NOTCH3: variants seen among roughly 807,000 people sequenced by gnomAD.
NOTCH3 encodes the protein neurogenic locus notch homolog protein 3.
Under a neutral mutation model 213.3 loss-of-function variants are expected in NOTCH3, and 86 were observed. The observed-to-expected ratio is 0.40, with a 90% CI of 0.34 to 0.48. The LOEUF (loss-of-function observed/expected upper bound fraction) is 0.48, where lower values mean the gene tolerates loss of function less well. Ranked by LOEUF, NOTCH3 falls within the 20% of genes least tolerant of loss-of-function variation. NOTCH3 has a pLI of 0.57. For synonymous variants in NOTCH3, 1,354 were observed against 1,355.9 expected (o/e 1.00, Z 0.03); for missense variants, 2,783 against 3,272.6 (o/e 0.85, Z 3.65).
rs556913464 is a variant in NOTCH3, at chr19:15,161,812, A to T, written c.5914-98T>A. 1.1e-4 allele frequency: 116 copies of T among 1,058,998 alleles called. 1 individual carries two copies. In the East Asian group the frequency reaches 2.7e-3, roughly 25 times the overall value. The allele number at this position is 1,058,998 out of a possible 1,614,324, so 65.6% of individuals were successfully genotyped here. The stretch of plus-strand genomic sequence containing the variant: ...GAGCCCGAGAGCTATGAGTTTGTAC[A>T]CTGGAGCTTGACAGACCTGGGTTAA... On this transcript the variant is annotated intron_variant, in intron 32 of 32. Transcript: ENST00000263388.
chr19:15,185,648 A>T lies in NOTCH3; in HGVS notation c.1983T>A (p.Cys661Ter). Residue 661 changes from cysteine (C) to a stop codon, truncating the protein, a stop_gained, in exon 13 of 33, where the codon TGT becomes TGA. Transcript: ENST00000263388. LOFTEE classifies it high-confidence loss of function. The surrounding 1 kb of genome is among the most constrained non-coding windows in gnomAD (Gnocchi z 4.2). ...GPLCNVEINE[C>*]ASSPCGEGGS... The stretch of plus-strand genomic sequence containing the variant: ...CTCCCTCGCCGCATGGGCTGGAAGC[A>T]CACTCATTGATCTCCACGTTACAAA... 1 of 1,613,596 alleles carries T rather than the reference A, an allele frequency of 6.2e-7. No individual in the cohort carries two copies.
Position 15,180,864 on chromosome 19 carries a change from TGGG to T in NOTCH3, c.2995-39_2995-37del, listed in dbSNP as rs747200234. The T allele has an allele frequency of 2.5e-6, 4 of 1,609,632 alleles. No individual in the cohort carries two copies. In the East Asian group the frequency reaches 8.9e-5, roughly 36 times the overall value. ...AGCACTCAGAGTCAGTACTGTGGGG[TGGG>T]GGGTAGTCTGGGAGAAACTGTGCCC... is the stretch of plus-strand genomic sequence containing the variant. On this transcript the variant is annotated intron_variant, in intron 18 of 32. Transcript: ENST00000263388.
At chr19:15,189,996 C>T (rs1251605818) in intron 6 of NOTCH3, among the ~76,000 whole-genome samples, 2 of 152,018 alleles carry the variant, frequency 1.3e-5, no homozygotes, top group African/African-American at 4.8e-5. Context: ...AATTGCAGAC[C>T]GGGCACAGTG....
At chr19:15,200,292 A>C (rs1259976922) in intron 1 of NOTCH3, among the ~76,000 whole-genome samples, 11 of 147,854 alleles carry the variant, frequency 7.4e-5, no homozygotes, top group Non-Finnish European at 1.5e-4. Flanking sequence ...CGGCCTGGGA[A>C]GTTTTCTCCG....
At chr19:15,194,969 A>G (rs1286215464) in intron 2 of NOTCH3, among the ~76,000 whole-genome samples, 2 of 151,784 alleles carry the variant, frequency 1.3e-5, no homozygotes, top group Admixed American at 6.6e-5. Context: ...AAAAAAAAAA[A>G]AAAAAGGAAA....
chr19:15,192,333 A>T, intron 3 of NOTCH3, 35 bp from the exon 4 acceptor site: 1 of 1,612,354 alleles, frequency 6.2e-7, no homozygotes, highest in Non-Finnish European at 8.5e-7. Flanking sequence ...TTTAGGACTG[A>T]CCACACCCCC....
chr19:15,162,816 T>C (rs943663406), intron 31 of NOTCH3, among the ~76,000 whole-genome samples: 11 of 151,554 alleles, frequency 7.3e-5, no homozygotes, highest in Admixed American at 2.0e-4. Flanking sequence ...TGACTGTTTA[T>C]ACACAGGGGG....
chr19:15,195,315 C>T (rs901633689), intron 2 of NOTCH3, among the ~76,000 whole-genome samples: 1 of 152,044 alleles, frequency 6.6e-6, no homozygotes, highest in African/African-American at 2.4e-5. Context: ...CCTCCCCAAG[C>T]CCACCAAGGA....
In NOTCH3 at chr19:15,160,895, G is replaced by A. The variant is rs764195090; in HGVS notation, c.6733C>T (p.Leu2245=). 1 of 1,612,320 alleles carries A rather than the reference G, an allele frequency of 6.2e-7. No individual in the cohort carries two copies. Among genetic ancestry groups the A allele is most frequent in the Non-Finnish European group, 8.5e-7 (1 of 1,178,904 alleles). The change falls in exon 33 of 33, where the codon CTG becomes TTG. Residue 2245 remains leucine, a synonymous_variant. Coordinates refer to ENST00000263388, the MANE Select transcript of NOTCH3 (RefSeq NM_000435.3). ...TCAGGGGATTCGGGGGATGGGGTCA[G>A]GTAAGGGTGCTCACTGGGAACCCGC... ...FLRVPSEHPY[L]TPSPESPEHW...
chr19:15,200,741 T>TC (rs2047005927), intron 1 of NOTCH3, 47 bp downstream of exon 1: 9 of 1,216,668 alleles, frequency 7.4e-6, no homozygotes, highest in Non-Finnish European at 9.3e-6. Flanking sequence ...GTTCTTGCAC[T>TC]CCCCCTCTGC....
rs756050255 is a variant in NOTCH3, at chr19:15,177,537, T to C, written c.4391A>G (p.Glu1464Gly). The C allele has an allele frequency of 2.5e-6, 4 of 1,610,028 alleles. No individual in the cohort carries two copies. Among genetic ancestry groups the C allele is most frequent in the Non-Finnish European group, 2.5e-6 (3 of 1,178,740 alleles). ...DNFDCHAGGR[E>G]RTCNPVYEKY... ...TGGATGGGCTCACTTGCAAGTGCGC[T>C]CGCGGCCACCGGCGTGGCAGTCGAA... Residue 1464 changes from glutamate (E) to glycine (G), a missense_variant, in exon 24 of 33, where the codon GAG becomes GGG. This residue lies in a region of NOTCH3 where 636 missense variants were observed against 801.8 expected (regional missense o/e 0.79). Transcript: ENST00000263388.
chr19:15,170,202 G>A, intron 27 of NOTCH3, 32 bp from the exon 28 acceptor site: 2 of 1,544,522 alleles, frequency 1.3e-6, no homozygotes, highest in Non-Finnish European at 1.8e-6. Flanking sequence ...GGATGTGAGG[G>A]GGACACTAGA....
In NOTCH3 at chr19:15,177,720, C is replaced by G; in HGVS notation, c.4208G>C (p.Arg1403Pro). The G allele has an allele frequency of 6.5e-7, 1 of 1,531,006 alleles. No homozygotes were observed. The highest frequency in any genetic ancestry group is 8.7e-7 in the Non-Finnish European group (1 of 1,145,278). The allele number at this position is 1,531,006 out of a possible 1,614,324, so 94.8% of individuals were successfully genotyped here. Reference protein sequence around the residue: ...QAKRGDQRCDRECNSPGCGWD... With the variant: ...QAKRGDQRCDPECNSPGCGWD... ...GCCGCAGCCTGGGCTGTTGCACTCGCGGTCGCAGCGCTGGTCCCCGCGCTT... is the reference window on the plus strand; with the variant it reads ...GCCGCAGCCTGGGCTGTTGCACTCGGGGTCGCAGCGCTGGTCCCCGCGCTT... The change falls in exon 24 of 33, where the codon CGC (arginine) becomes CCC (proline). Residue 1403 changes from arginine to proline, a missense_variant. Arg to Pro is a moderately radical substitution (Grantham distance 103). Around this residue, in one of 6 missense-constraint regions of NOTCH3, gnomAD observed 133 missense variants for 201.9 expected, o/e 0.66. Coordinates refer to ENST00000263388, the MANE Select transcript of NOTCH3 (RefSeq NM_000435.3).
intron 24 of NOTCH3, among the ~76,000 whole-genome samples, 161 bp from the exon 25 acceptor site, chr19:15,174,561 T>C (rs2046771453): frequency 8.2e-6 from 1 of 121,780 alleles, no homozygotes; most frequent in South Asian, 2.8e-4. Context: ...ATCTTGCCAT[T>C]CACTGGATAA....
At chr19:15,173,365 A>T (rs1305168499) in intron 25 of NOTCH3, among the ~76,000 whole-genome samples, 12 of 147,368 alleles carry the variant, frequency 8.1e-5, no homozygotes, top group African/African-American at 3.0e-4. Flanking sequence ...GAGCTTGCAG[A>T]AAGCCGAGAT....
chr19:15,179,175 G>A lies in NOTCH3; in HGVS notation c.3568C>T (p.Arg1190Cys), dbSNP rs377099118. ...GTGTATCCTGGGGGACAGGTGCAGC[G>A]GAAACCACCCACCAGGTCCACGCAG... ...GTCVDLVGGF[R>C]CTCPPGYTGL... Residue 1190 changes from arginine (R) to cysteine (C), a missense_variant, in exon 22 of 33, where the codon CGC becomes TGC. By Grantham distance (180) the Arg-to-Cys change is radical. This residue lies in a region of NOTCH3 where 861 missense variants were observed against 909.1 expected (regional missense o/e 0.95). Transcript: ENST00000263388. The A allele has an allele frequency of 3.2e-5, 51 of 1,613,988 alleles. 1 individual carries two copies. The highest frequency in any genetic ancestry group is 1.1e-4 in the South Asian group (10 of 91,090).
At chr19:15,188,451 G>C in intron 8 of NOTCH3, 103 bp from the exon 9 acceptor site, 1 of 783,824 alleles carries the variant, frequency 1.3e-6, no homozygotes, top group Non-Finnish European at 2.2e-6. Context: ...CAAATCCCCC[G>C]AGCCTTCGTC....
chr19:15,179,395 G>A lies in NOTCH3; in HGVS notation c.3429C>T (p.Arg1143=), dbSNP rs1456987143. ...HGGSCIDLVA[R]YLCSCPPGTL... ...TTCCTGGGGGACAGGAGCAGAGATA[G>A]CGGGCCACGAGGTCAATGCATGAAC... Residue 1143 remains arginine (R), a synonymous_variant, in exon 21 of 33, where the codon CGC becomes CGT. Transcript: ENST00000263388. 8 of 1,614,020 alleles carry A rather than the reference G, an allele frequency of 5.0e-6. No homozygotes were observed. The Admixed American group carries it at 1.3e-4, about 27-fold the overall frequency.
At chr19:15,175,124 A>G (rs1049819906) in intron 24 of NOTCH3, among the ~76,000 whole-genome samples, 1 of 152,204 alleles carries the variant, frequency 6.6e-6, no homozygotes, top group Admixed American at 6.5e-5. Context: ...AGGCACAAGG[A>G]TAAGGCCCGG....
Sources: gnomAD v4.1 joint callset for allele counts (sites outside exome capture counted in the v4.1 genomes callset) on GRCh38, gnomAD v4.1.1 for gene constraint, gnomAD v4.1.1 regional missense constraint, Gnocchi (gnomAD v3.1) non-coding constraint, MANE v1.5 for transcripts, NCBI Gene and HGNC (gene_info 2026-07-23, HGNC 2026-07-21) for gene names.